The following PPP6R3 variants were observed in gnomAD, a reference collection of about 807,000 sequenced individuals.
PPP6R3 encodes protein phosphatase 6 regulatory subunit 3.
A neutral mutation model predicts 110.7 loss-of-function variants in PPP6R3; 38 were observed. The ratio of observed to expected loss-of-function variants is 0.34; its 90% CI spans 0.26 to 0.45. The LOEUF is 0.45. Among genes scored for constraint, PPP6R3 ranks in the 20% least tolerant of loss-of-function variants. The probability of loss-of-function intolerance (pLI) is 1.00; values close to 1 mark genes in which losing one functional copy is unlikely to be tolerated. For missense variants in PPP6R3, 870 were observed against 1,062.4 expected (o/e 0.82, Z 2.52); for synonymous variants, 369 against 373.5 (o/e 0.99, Z 0.14).
chr11:68,514,217 C>T (rs1300657465), intron 1 of PPP6R3, among the ~76,000 whole-genome samples: 1 of 152,068 alleles, frequency 6.6e-6, no homozygotes, highest in African/African-American at 2.4e-5. Context: ...GGTGCTTGCT[C>T]CAAAGTCCAG....
At chr11:68,599,176 A>T (rs79262430) in intron 19 of PPP6R3, among the ~76,000 whole-genome samples, 4,098 of 152,342 alleles carry the variant, frequency 0.027, 73 homozygotes, top group Middle Eastern at 0.054. Context: ...TCCTTCCTGC[A>T]ACCTAGAGAT....
At chr11:68,485,304 C>T (rs1163614184) in intron 1 of PPP6R3, among the ~76,000 whole-genome samples, 3 of 136,464 alleles carry the variant, frequency 2.2e-5, no homozygotes, top group Non-Finnish European at 3.1e-5. Context: ...AATTCCTTCA[C>T]ATTTTCTCCA....
intron 5 of PPP6R3, among the ~76,000 whole-genome samples, chr11:68,549,823 GA>G (rs2099363742): frequency 6.6e-6 from 1 of 152,178 alleles, no homozygotes; most frequent in Admixed American, 6.5e-5. Context: ...GTAGGTTGGG[GA>G]AAGGTTAGTT....
chr11:68,466,312 A>T (rs79162216), intron 1 of PPP6R3, among the ~76,000 whole-genome samples: 1 of 152,206 alleles, frequency 6.6e-6, no homozygotes, highest in South Asian at 2.1e-4. Context: ...TCAGGTATTG[A>T]AAGATTACAG....
intron 1 of PPP6R3, among the ~76,000 whole-genome samples, chr11:68,479,950 C>T (rs541752904): frequency 1.1e-4 from 17 of 152,070 alleles, no homozygotes; most frequent in African/African-American, 4.1e-4. Flanking sequence ...GTTGACCAGG[C>T]TGTTCTCTTG....
chr11:68,578,611 A>T (rs1280434183), intron 14 of PPP6R3, among the ~76,000 whole-genome samples: 1 of 152,212 alleles, frequency 6.6e-6, no homozygotes, highest in Non-Finnish European at 1.5e-5. Flanking sequence ...TGTTTACAGC[A>T]AGGATACATT....
At chr11:68,549,492 A>G (rs2099362469) in intron 5 of PPP6R3, among the ~76,000 whole-genome samples, 1 of 151,316 alleles carries the variant, frequency 6.6e-6, no homozygotes, top group African/African-American at 2.4e-5. Context: ...CTGTGAGTAA[A>G]CAGCTGGGTG....
chr11:68,471,845 G>A (rs1032546099), intron 1 of PPP6R3, among the ~76,000 whole-genome samples: 2 of 152,054 alleles, frequency 1.3e-5, no homozygotes, highest in Non-Finnish European at 2.9e-5. Context: ...GCATCCATGG[G>A]CTCCTCCCTG....
chr11:68,573,143 TATATATATATA>T (rs1189323719), intron 12 of PPP6R3, among the ~76,000 whole-genome samples: 1 of 113,218 alleles, frequency 8.8e-6, no homozygotes, highest in Non-Finnish European at 1.8e-5. Context: ...TATATATATA[TATATATATATA>T]ATTTTTTTTT....
chr11:68,516,698 T>C (rs917002071), intron 1 of PPP6R3, among the ~76,000 whole-genome samples: 3 of 152,210 alleles, frequency 2.0e-5, no homozygotes, highest in African/African-American at 4.8e-5. Flanking sequence ...TCAGTTCTTT[T>C]GAGTGTAGAA....
At chr11:68,539,957 C>A (rs985406015) in intron 3 of PPP6R3, among the ~76,000 whole-genome samples, 2 of 152,164 alleles carry the variant, frequency 1.3e-5, no homozygotes, top group African/African-American at 4.8e-5. Flanking sequence ...GGGGGAACAG[C>A]AAGTGTGGAA....
intron 7 of PPP6R3, among the ~76,000 whole-genome samples, chr11:68,554,728 T>A (rs933557608): frequency 6.6e-6 from 1 of 152,214 alleles, no homozygotes; most frequent in African/African-American, 2.4e-5. Context: ...TTTTTCTAGA[T>A]TCACATGTTT....
intron 1 of PPP6R3, among the ~76,000 whole-genome samples, chr11:68,506,398 C>T (rs1234431179): frequency 9.1e-6 from 1 of 109,620 alleles, no homozygotes; most frequent in African/African-American, 3.4e-5. Context: ...AACTGCTGCA[C>T]CCAGCCCTTT....
intron 1 of PPP6R3, among the ~76,000 whole-genome samples, chr11:68,476,218 C>T (rs963391679): frequency 2.0e-5 from 3 of 152,314 alleles, no homozygotes; most frequent in Non-Finnish European, 2.9e-5. Flanking sequence ...TCCGGCACCT[C>T]GGGAGGCCGA....
At chr11:68,551,512 C>T (rs763710149) in intron 6 of PPP6R3, among the ~76,000 whole-genome samples, 5 of 152,026 alleles carry the variant, frequency 3.3e-5, no homozygotes, top group East Asian at 3.9e-4. Context: ...CCCTTTGAGA[C>T]GGAGTCTCCC....
At chr11:68,530,834 A>G (rs1190109044) in intron 2 of PPP6R3, among the ~76,000 whole-genome samples, 1 of 152,242 alleles carries the variant, frequency 6.6e-6, no homozygotes, top group East Asian at 1.9e-4. Context: ...GTACTTAGAT[A>G]TAAAGTTGCC....
At chr11:68,469,863 C>T (rs2153232838) in intron 1 of PPP6R3, among the ~76,000 whole-genome samples, 1 of 152,296 alleles carries the variant, frequency 6.6e-6, no homozygotes, top group South Asian at 2.1e-4. Flanking sequence ...TCTTTCTGAC[C>T]TCCCCAAGGC....
chr11:68,612,186 T>C (rs1344104528), intron 23 of PPP6R3, among the ~76,000 whole-genome samples: 1 of 152,220 alleles, frequency 6.6e-6, no homozygotes, highest in Non-Finnish European at 1.5e-5. Context: ...TTATGTCTAG[T>C]TCCAGAAGTC....
intron 1 of PPP6R3, among the ~76,000 whole-genome samples, chr11:68,464,333 C>G (rs1454008106): frequency 1.3e-5 from 2 of 152,102 alleles, no homozygotes; most frequent in African/African-American, 4.8e-5. Context: ...AGTTTCACAT[C>G]TTGGCCAGGG....
Sources: gnomAD v4.1 joint callset for allele counts (sites outside exome capture counted in the v4.1 genomes callset) on GRCh38, gnomAD v4.1.1 for gene constraint, MANE v1.5 for transcripts, NCBI Gene and HGNC (gene_info 2026-07-23, HGNC 2026-07-21) for gene names.